UBN2: variants seen among roughly 807,000 people sequenced by gnomAD.
The protein encoded by UBN2 is ubinuclein-2.
In UBN2, 35 loss-of-function variants were observed where a neutral mutation model predicts 120.2. The ratio of observed to expected loss-of-function variants is 0.29; its 90% CI spans 0.22 to 0.39. UBN2 has a LOEUF of 0.39. Among genes scored for constraint, UBN2 ranks in the 10% least tolerant of loss-of-function variants. The pLI is 1.00. For synonymous variants in UBN2, 661 were observed against 648.7 expected (o/e 1.02, Z -0.29); for missense variants, 1,693 against 1,663.2 (o/e 1.02, Z -0.31).
intron 8 of UBN2, 75 bp downstream of exon 8, chr7:139,269,598 T>G: frequency 1.3e-6 from 2 of 1,496,270 alleles, no homozygotes; most frequent in Non-Finnish European, 1.8e-6. Context: ...TTTGGGGCCT[T>G]TGCACATTAA....
intron 14 of UBN2, 75 bp downstream of exon 14, chr7:139,282,130 TTGAAGAGACTTTGA>T: frequency 7.4e-7 from 1 of 1,347,868 alleles, no homozygotes; most frequent in Non-Finnish European, 1.1e-6. Context: ...AAGAAACTAA[TTGAAGAGACTTTGA>T]TACGACTTTT....
intron 2 of UBN2, among the ~76,000 whole-genome samples, chr7:139,246,183 G>A (rs1355571485): frequency 6.6e-6 from 1 of 152,140 alleles, no homozygotes; most frequent in African/African-American, 2.4e-5. Flanking sequence ...TGGCCAACAT[G>A]GTGAAACCCT....
chr7:139,288,493 G>C (rs990523556), intron 15 of UBN2, among the ~76,000 whole-genome samples: 8 of 152,160 alleles, frequency 5.3e-5, no homozygotes, highest in Non-Finnish European at 8.8e-5. Flanking sequence ...GAGAGTGGTA[G>C]GTGATGAGAT....
At chr7:139,281,866 A>AC in intron 13 of UBN2, 139 bp from the exon 14 acceptor site, 2 of 659,988 alleles carry the variant, frequency 3.0e-6, no homozygotes, top group South Asian at 4.3e-5. Flanking sequence ...GACATTTGTG[A>AC]CCTTAATGCA....
the UBN2 span, among the ~76,000 whole-genome samples, chr7:139,328,921 A>G: frequency 6.6e-6 from 1 of 152,022 alleles, no homozygotes. Context: ...ATTAAACTCA[A>G]ATGCAGAGGT....
intron 6 of UBN2, among the ~76,000 whole-genome samples, chr7:139,262,637 C>T (rs540478630): frequency 6.6e-6 from 1 of 150,790 alleles, no homozygotes; most frequent in South Asian, 2.1e-4. Flanking sequence ...TTGCTTGAAC[C>T]TGGGAGGCAG....
chr7:139,321,593 G>A, the UBN2 span, among the ~76,000 whole-genome samples: 1 of 152,232 alleles, frequency 6.6e-6, no homozygotes, highest in Non-Finnish European at 1.5e-5. Context: ...TCAATAGAGG[G>A]GAGGACTTCT....
downstream of UBN2, among the ~76,000 whole-genome samples, chr7:139,310,128 A>G (rs1798428745): frequency 1.3e-5 from 2 of 152,148 alleles, no homozygotes; most frequent in South Asian, 4.1e-4. Context: ...TATTTCTTCC[A>G]CTCAGACCTT....
chr7:139,246,092 C>T (rs1158528416), intron 2 of UBN2, among the ~76,000 whole-genome samples: 6 of 152,068 alleles, frequency 3.9e-5, no homozygotes, highest in South Asian at 4.2e-4. Context: ...AGGCCAGGCG[C>T]GGTGGCTCAC....
the UBN2 span, among the ~76,000 whole-genome samples, chr7:139,329,290 C>A: frequency 6.6e-6 from 1 of 150,508 alleles, no homozygotes; most frequent in African/African-American, 2.5e-5. Flanking sequence ...CAAGAAGGGT[C>A]AAGGAGAAAT....
chr7:139,231,533 C>G lies in UBN2; in HGVS notation c.49C>G (p.Arg17Gly). ...VAFISLSPVR[R>G]REAEYPGPER... ...GTTCATTAGCTTGTCACCGGTGCGGCGGCGCGAGGCCGAGTACCCGGGGCC... is the reference window on the plus strand; with the variant it reads ...GTTCATTAGCTTGTCACCGGTGCGGGGGCGCGAGGCCGAGTACCCGGGGCC... The change falls in exon 1 of 18, where the codon CGG becomes GGG. Residue 17 changes from arginine to glycine, a missense_variant. This residue lies in a region of UBN2 where 663 missense variants were observed against 591.2 expected (regional missense o/e 1.12). Transcript: ENST00000473989. The G allele has an allele frequency of 7.0e-7, 1 of 1,418,548 alleles. No individual in the cohort carries two copies. Among genetic ancestry groups the G allele is most frequent in the Middle Eastern group, 1.8e-4 (1 of 5,436 alleles). 87.9% of individuals were successfully genotyped at this position (1,418,548 alleles called of 1,614,324 possible).
the UBN2 span, among the ~76,000 whole-genome samples, chr7:139,324,697 G>A: frequency 1.3e-3 from 195 of 152,200 alleles, no homozygotes; most frequent in Non-Finnish European, 1.7e-3. Flanking sequence ...ATGGCCGGGC[G>A]CGGTGGCTCA....
chr7:139,283,089 A>T lies in UBN2; in HGVS notation c.2184A>T (p.Pro728=). The change falls in exon 15 of 18, where the codon CCA becomes CCT. Residue 728 remains proline, a synonymous_variant. Transcript: ENST00000473989. ...TSLVASVSGP[P]TSSSTAAIAA... ...TGGTGGCTTCGGTTAGCGGTCCTCC[A>T]ACGAGCTCCAGCACAGCTGCCATTG... 6.2e-7 allele frequency: 1 copy of T among 1,613,234 alleles called. No homozygotes were observed. The highest frequency in any genetic ancestry group is 8.5e-7 in the Non-Finnish European group (1 of 1,179,924).
chr7:139,252,251 T>C (rs1796643504), intron 3 of UBN2, among the ~76,000 whole-genome samples, 194 bp downstream of exon 3: 1 of 152,078 alleles, frequency 6.6e-6, no homozygotes, highest in South Asian at 2.1e-4. Context: ...TTTGTAATTT[T>C]GGGTTTGTCT....
chr7:139,314,244 C>G, the UBN2 span, among the ~76,000 whole-genome samples: 1 of 150,906 alleles, frequency 6.6e-6, no homozygotes, highest in Non-Finnish European at 1.5e-5. Flanking sequence ...ATCACAAGGT[C>G]AGGAGTTCAA....
At chr7:139,293,861 A>G (rs1240368494) in intron 16 of UBN2, 28 bp from the exon 17 acceptor site, 3 of 1,603,810 alleles carry the variant, frequency 1.9e-6, no homozygotes, top group African/African-American at 2.7e-5. Context: ...GGATTTAAAG[A>G]TGACTGACAA....
chr7:139,283,797 C>T lies in UBN2; in HGVS notation c.2892C>T (p.Leu964=). The T allele has an allele frequency of 6.2e-7, 1 of 1,614,066 alleles. No homozygotes were observed. The highest frequency in any genetic ancestry group is 8.5e-7 in the Non-Finnish European group (1 of 1,180,042). Residue 964 remains leucine, a synonymous_variant, in exon 15 of 18, where the codon CTC becomes CTT. Transcript: ENST00000473989. ...TGAAGTTAAGTAATAATCCCCAACTCTCCTGTTCCTCCTCACTTATTAAGA... is the reference window on the plus strand; with the variant it reads ...TGAAGTTAAGTAATAATCCCCAACTTTCCTGTTCCTCCTCACTTATTAAGA... ...PVVKLSNNPQ[L]SCSSSLIKTS...
rs1161484759 is a variant in UBN2 at position 139,289,414 on chromosome 7, C to CTTTTTTTTTTTTTTTTTTTTTTT, written c.3670-3802_3670-3801insTTTTTTTTTTTTTTTTTTTTTTT. On this transcript the variant is annotated intron_variant, in intron 15 of 17. Transcript: ENST00000473989. Reference sequence around the variant, plus strand: ...ATTGCCCTCCCTAATTTACATTTTGCTTTTTTTTTTTTTTTTGAGACAGGG... The same window carrying CTTTTTTTTTTTTTTTTTTTTTTT: ...ATTGCCCTCCCTAATTTACATTTTGCTTTTTTTTTTTTTTTTTTTTTTTTTTTTTTTTTTTTTTTGAGACAGGG... Among the ~76,000 whole-genome samples the CTTTTTTTTTTTTTTTTTTTTTTT allele has an allele frequency of 6.0e-4, 75 of 125,778 alleles. 3 individuals carry two copies. Among genetic ancestry groups the CTTTTTTTTTTTTTTTTTTTTTTT allele is most frequent in the African/African-American group, 1.6e-3 (52 of 32,166 alleles). The allele number at this position is 125,778 out of a possible 152,430, so 82.5% of individuals were successfully genotyped here.
At chr7:139,293,534 A>C (rs1057493081) in intron 16 of UBN2, 71 bp downstream of exon 16, 14 of 1,323,736 alleles carry the variant, frequency 1.1e-5, no homozygotes, top group Non-Finnish European at 1.5e-5. Flanking sequence ...AATTTATTCT[A>C]ATTAAGAGTA....
Sources: allele counts gnomAD v4.1 joint callset (sites outside exome capture counted in the v4.1 genomes callset), GRCh38; gene constraint gnomAD v4.1.1; regional missense constraint gnomAD v4.1.1; transcripts MANE v1.5; gene names NCBI Gene and HGNC (gene_info 2026-07-23, HGNC 2026-07-21).